The following DLGAP1 variants were observed in gnomAD, a reference collection of about 807,000 sequenced individuals.
The protein encoded by DLGAP1 is DLG associated protein 1.
A neutral mutation model predicts 90.8 loss-of-function variants in DLGAP1; 11 were observed. The ratio of observed to expected loss-of-function variants is 0.12; its 90% CI spans 0.08 to 0.20. DLGAP1 has a LOEUF of 0.20. DLGAP1 is among the 10% of genes least tolerant of loss of function. The pLI is 1.00. For synonymous variants in DLGAP1, 558 were observed against 540.7 expected (o/e 1.03, Z -0.44); for missense variants, 1,050 against 1,333.8 (o/e 0.79, Z 3.31).
chr18:4,199,858 G>A (rs1261652031), intron 1 of DLGAP1, among the ~76,000 whole-genome samples: 1 of 152,160 alleles, frequency 6.6e-6, no homozygotes, highest in Non-Finnish European at 1.5e-5. Flanking sequence ...GAGCTTTACA[G>A]AAAATTGAGC....
At chr18:3,618,611 C>T (rs931184612) in intron 7 of DLGAP1, among the ~76,000 whole-genome samples, 3 of 149,648 alleles carry the variant, frequency 2.0e-5, no homozygotes, top group Non-Finnish European at 4.4e-5. Context: ...CCTTTTCTGC[C>T]TTTTTCCCAA....
intron 1 of DLGAP1, chr18:4,430,500 G>GTC (rs1374444364): frequency 1.7e-5 from 2 of 121,122 alleles, no homozygotes; most frequent in Admixed American, 1.9e-4. Flanking sequence ...AGTCTTGTGT[G>GTC]TCTGTGTGTG....
At chr18:4,195,082 C>A (rs568985197) in intron 1 of DLGAP1, among the ~76,000 whole-genome samples, 19 of 152,058 alleles carry the variant, frequency 1.2e-4, no homozygotes, top group Admixed American at 6.6e-4. Context: ...AGAAAAAAAA[C>A]CCAAATACCA....
chr18:4,157,548 C>A (rs2076777295), intron 1 of DLGAP1, among the ~76,000 whole-genome samples: 1 of 152,194 alleles, frequency 6.6e-6, no homozygotes, highest in Non-Finnish European at 1.5e-5. Flanking sequence ...GTGACTCATG[C>A]AGCTTCAGAG....
intron 1 of DLGAP1, among the ~76,000 whole-genome samples, chr18:4,154,849 C>T (rs569228082): frequency 9.9e-5 from 15 of 152,238 alleles, no homozygotes; most frequent in African/African-American, 2.6e-4. Flanking sequence ...AAAGATTTAG[C>T]GAGCATCTAT....
intron 5 of DLGAP1, among the ~76,000 whole-genome samples, chr18:3,745,750 T>G (rs1207902696): frequency 6.6e-6 from 1 of 152,122 alleles, no homozygotes; most frequent in African/African-American, 2.4e-5. Flanking sequence ...AGTGCAGTAG[T>G]GCGATCTCAG....
chr18:3,935,782 C>G (rs373762060), intron 3 of DLGAP1, among the ~76,000 whole-genome samples: 1 of 152,166 alleles, frequency 6.6e-6, no homozygotes, highest in South Asian at 2.1e-4. Context: ...AAGTTGATAA[C>G]CGGCCTAGGG....
chr18:3,552,732 G>C (rs913454575), intron 9 of DLGAP1, among the ~76,000 whole-genome samples: 1 of 152,212 alleles, frequency 6.6e-6, no homozygotes, highest in Non-Finnish European at 1.5e-5. Flanking sequence ...GTCTCTGTCA[G>C]GGTAAGGAAG....
In DLGAP1 at chr18:4,172,465, C is replaced by T. The variant is rs4798190; in HGVS notation, c.-266-21178G>A. 4.6e-4 allele frequency among the ~76,000 whole-genome samples: 70 copies of T among 152,264 alleles called. 3 individuals carry two copies. Among genetic ancestry groups the T allele is most frequent in the Middle Eastern group, 3.4e-3 (1 of 294 alleles). ...ATGCGCGTGAATACATGCATGATTCCTATACATACCACTTGAATTCTGAGT... is the reference window on the plus strand; with the variant it reads ...ATGCGCGTGAATACATGCATGATTCTTATACATACCACTTGAATTCTGAGT... On this transcript the variant is annotated intron_variant, in intron 1 of 12. Coordinates refer to ENST00000315677, the MANE Select transcript of DLGAP1 (RefSeq NM_004746.4).
intron 5 of DLGAP1, among the ~76,000 whole-genome samples, chr18:3,800,868 G>T (rs28479721): frequency 0.54 from 81,304 of 151,938 alleles, 24,373 homozygotes; most frequent in Non-Finnish European, 0.68. Flanking sequence ...TCTGACCTGT[G>T]GTATTAGGCT....
intron 3 of DLGAP1, among the ~76,000 whole-genome samples, chr18:3,982,354 T>C (rs1388181647): frequency 6.7e-6 from 1 of 148,870 alleles, no homozygotes; most frequent in African/African-American, 2.5e-5. Context: ...ACGTGTGCCT[T>C]CTTCAGATCA....
At chr18:4,366,410 A>G (rs1408375884) in intron 1 of DLGAP1, among the ~76,000 whole-genome samples, 2 of 152,140 alleles carry the variant, frequency 1.3e-5, no homozygotes, top group African/African-American at 4.8e-5. Context: ...AATCTGATGG[A>G]AAAGATAAGA....
At chr18:3,573,359 G>A (rs534597662) in intron 8 of DLGAP1, among the ~76,000 whole-genome samples, 61 of 152,126 alleles carry the variant, frequency 4.0e-4, no homozygotes, top group African/African-American at 1.3e-3. Context: ...AAAATTAGCC[G>A]GGCGTGGTAG....
chr18:4,268,288 G>A (rs927902334), intron 1 of DLGAP1, among the ~76,000 whole-genome samples: 1 of 152,150 alleles, frequency 6.6e-6, no homozygotes, highest in African/African-American at 2.4e-5. Context: ...CAAATTGACT[G>A]CTATTTTTGG....
intron 1 of DLGAP1, chr18:4,294,478 T>C (rs1278686457): frequency 6.6e-6 from 1 of 152,238 alleles, no homozygotes; most frequent in Admixed American, 6.5e-5. Flanking sequence ...GGCTCTCTTC[T>C]TGGCTGCTAT....
At chr18:4,252,256 A>C (rs941840191) in intron 1 of DLGAP1, among the ~76,000 whole-genome samples, 1 of 152,178 alleles carries the variant, frequency 6.6e-6, no homozygotes, top group Non-Finnish European at 1.5e-5. Flanking sequence ...GGCTAGTCTC[A>C]TTTCTCTTTT....
chr18:4,069,879 C>A (rs1255518435), intron 2 of DLGAP1, among the ~76,000 whole-genome samples: 1 of 152,172 alleles, frequency 6.6e-6, no homozygotes, highest in Non-Finnish European at 1.5e-5. Context: ...ATGTTTAATG[C>A]AAATCAAAAT....
At chr18:4,350,229 TTTC>T (rs1456571324) in intron 1 of DLGAP1, among the ~76,000 whole-genome samples, 1 of 152,196 alleles carries the variant, frequency 6.6e-6, no homozygotes, top group Non-Finnish European at 1.5e-5. Flanking sequence ...AAAGCGTTTA[TTTC>T]TTCTTTAAAA....
intron 2 of DLGAP1, among the ~76,000 whole-genome samples, chr18:4,150,321 C>G (rs1468033578): frequency 6.6e-6 from 1 of 152,110 alleles, no homozygotes; most frequent in Non-Finnish European, 1.5e-5. Context: ...TTTCTCCCTC[C>G]AAAAACTACA....
Sources: allele counts gnomAD v4.1 joint callset (sites outside exome capture counted in the v4.1 genomes callset), GRCh38; gene constraint gnomAD v4.1.1; transcripts MANE v1.5; gene names NCBI Gene and HGNC (gene_info 2026-07-23, HGNC 2026-07-21).